The following MDN1 variants were observed in gnomAD, a reference collection of about 807,000 sequenced individuals.
MDN1 encodes the protein midasin AAA ATPase 1.
A neutral mutation model predicts 669.2 loss-of-function variants in MDN1; 266 were observed. The ratio of observed to expected loss-of-function variants is 0.40; its 90% confidence interval spans 0.36 to 0.44. MDN1 has a LOEUF of 0.44. Ranked by LOEUF, MDN1 falls within the 20% of genes least tolerant of loss-of-function variation. The pLI is 1.00. For synonymous variants in MDN1, 2,385 were observed against 2,457.1 expected (o/e 0.97, Z 0.87); for missense variants, 5,940 against 6,754.0 (o/e 0.88, Z 4.22).
intron 74 of MDN1, among the ~76,000 whole-genome samples, chr6:89,679,380 A>C (rs2128305743): frequency 6.6e-6 from 1 of 152,284 alleles, no homozygotes; most frequent in Admixed American, 6.5e-5. Context: ...ACACGTGGGT[A>C]CCAATAACAC....
rs58697438 is a variant in MDN1 at position 89,782,604 on chromosome 6, A to AAATAATAAT, written c.1450-1021_1450-1013dup. ...TGACAGAGTAAGACCTTTCCTCAAA[A>AAATAATAAT]AATAATAATAATAATAATAATAATA... On this transcript the variant is annotated intron_variant, in intron 9 of 101. Transcript: ENST00000369393. 5.5e-4 allele frequency among the ~76,000 whole-genome samples: 80 copies of AAATAATAAT among 144,194 alleles called. No homozygotes were observed. The South Asian group carries it at 0.013, about 24-fold the overall frequency. 94.6% of individuals were successfully genotyped at this position (144,194 alleles called of 152,430 possible).
chr6:89,784,277 T>C (rs992354770), intron 9 of MDN1, among the ~76,000 whole-genome samples: 2 of 151,836 alleles, frequency 1.3e-5, no homozygotes, highest in East Asian at 3.9e-4. Flanking sequence ...GATCACGCCA[T>C]TGCACTCCAG....
rs1315535359 is a variant in MDN1, at chr6:89,645,112, A to C, written c.16505T>G (p.Phe5502Cys). 6 of 1,610,532 alleles carry C rather than the reference A, an allele frequency of 3.7e-6. No homozygotes were observed. Among genetic ancestry groups the C allele is most frequent in the African/African-American group, 1.3e-5 (1 of 74,914 alleles). The change falls in exon 101 of 102, where the codon TTC (phenylalanine) becomes TGC (cysteine). Residue 5502 changes from phenylalanine to cysteine, a missense_variant. Physicochemically the swap from Phe to Cys is radical, Grantham distance 205. This residue lies in a region of MDN1 where 2,280 missense variants were observed against 2,576.3 expected (regional missense o/e 0.88). Coordinates refer to ENST00000369393, the MANE Select transcript of MDN1 (RefSeq NM_014611.3). ...CAGGACTCTTTCTTTGCCCTCAAGG[A>C]AAAGGCCTCGCCCATCAGAGACTAC... ...LLVVSDGRGLFLEGKERVLAA... is the reference protein window; with the variant it reads ...LLVVSDGRGLCLEGKERVLAA...
intron 83 of MDN1, among the ~76,000 whole-genome samples, chr6:89,670,162 ATATATATAT>A (rs1192925253): frequency 3.1e-4 from 7 of 22,290 alleles, no homozygotes; most frequent in East Asian, 5.7e-3. Context: ...ATATATATAT[ATATATATAT>A]TTTTTTTTTT....
chr6:89,745,585 T>G lies in MDN1; in HGVS notation c.3946A>C (p.Ile1316Leu), dbSNP rs1227983598. The change falls in exon 28 of 102, where the codon ATT becomes CTT. Residue 1316 changes from isoleucine to leucine, a missense_variant. Ile to Leu is a conservative substitution (Grantham distance 5). This residue lies in a region of MDN1 where 2,292 missense variants were observed against 2,638.3 expected (regional missense o/e 0.87). Coordinates refer to ENST00000369393, the MANE Select transcript of MDN1 (RefSeq NM_014611.3). The part of the protein sequence containing the change: ...LAGRVRKQEE[I>L]DVIQEVLEKH... ...TCAAGGACTTCTTGAATCACATCAATTTCCTCCTGCTTCCTGACTCGACCT... is the reference window on the plus strand; with the variant it reads ...TCAAGGACTTCTTGAATCACATCAAGTTCCTCCTGCTTCCTGACTCGACCT... The G allele has an allele frequency of 1.2e-6, 2 of 1,614,008 alleles. No individual in the cohort carries two copies. Among genetic ancestry groups the G allele is most frequent in the Non-Finnish European group, 1.7e-6 (2 of 1,180,026 alleles).
At position 89,707,595 on chromosome 6, in the gene MDN1, T is replaced by C. The variant is rs568614411; in HGVS notation, c.7899-119A>G. 48 of 684,600 alleles carry C rather than the reference T, an allele frequency of 7.0e-5. No individual in the cohort carries two copies. In the Middle Eastern group the frequency reaches 1.5e-3, roughly 22 times the overall value. The allele number at this position is 684,600 out of a possible 1,614,324, so 42.4% of individuals were successfully genotyped here. A position where few individuals can be genotyped will look rare whatever the true frequency, so the allele number is the denominator to read the frequency against. ...GTCCTTCATCCTGCCATTCCTCTCC[T>C]GCCTCTGCAAATCTTGGACTAAAGA... On this transcript the variant is annotated intron_variant, in intron 51 of 101. Coordinates refer to ENST00000369393, the MANE Select transcript of MDN1 (RefSeq NM_014611.3).
chr6:89,739,979 A>T (rs1816196705), intron 32 of MDN1, among the ~76,000 whole-genome samples: 1 of 152,228 alleles, frequency 6.6e-6, no homozygotes, highest in South Asian at 2.1e-4. Context: ...TAACATATGT[A>T]AAGGGCTAGG....
chr6:89,761,835 AC>A (rs1817565945), intron 16 of MDN1, 87 bp from the exon 17 acceptor site: 51 of 983,888 alleles, frequency 5.2e-5, no homozygotes, highest in Non-Finnish European at 9.2e-6. Context: ...AACAAAACAC[AC>A]AAAAATTAAG....
chr6:89,660,130 G>A lies in MDN1; in HGVS notation c.14714-1213C>T, dbSNP rs1347182834. ...TTGAACTCCCAACCTCAGGTGATCC[G>A]CCCGCCTCAGCCTCCCAAAGTGCTG... On this transcript the variant is annotated intron_variant, in intron 88 of 101. Transcript: ENST00000369393. 2.0e-5 allele frequency among the ~76,000 whole-genome samples: 3 copies of A among 152,032 alleles called. 1 individual carries two copies. In the South Asian group the frequency reaches 6.2e-4, roughly 32 times the overall value.
rs554265665 is a variant in MDN1 at position 89,786,651 on chromosome 6, G to A, written c.1334+1203C>T. ...AAAACAAAAGTAACAGGATTGGGCC[G>A]GGCACGGTGGCTCACGCCTGTAATC... On this transcript the variant is annotated intron_variant, in intron 8 of 101. Coordinates refer to ENST00000369393, the MANE Select transcript of MDN1 (RefSeq NM_014611.3). Among the ~76,000 whole-genome samples the A allele has an allele frequency of 1.5e-3, 231 of 151,796 alleles. 2 individuals are homozygous for A. Among genetic ancestry groups the A allele is most frequent in the Non-Finnish European group, 1.7e-3 (115 of 67,946 alleles).
At chr6:89,781,307 C>A (rs768722907) in intron 10 of MDN1, 92 bp downstream of exon 10, 6 of 1,289,668 alleles carry the variant, frequency 4.7e-6, no homozygotes, top group South Asian at 2.4e-5. Context: ...GCCAAAACTG[C>A]ACCACTGCAC....
Position 89,659,159 on chromosome 6 carries a change from T to G in MDN1, c.14714-242A>C, listed in dbSNP as rs538707055. Among the ~76,000 whole-genome samples, 20 of 152,336 alleles carry G rather than the reference T, an allele frequency of 1.3e-4. No homozygotes were observed. In the South Asian group the frequency reaches 4.1e-3, roughly 32 times the overall value. ...TGGGAGGCTGAGACAGAAGGATCAC[T>G]TGAGTTCAAGACCAGCCTGGGCATG... On this transcript the variant is annotated intron_variant, in intron 88 of 101. Coordinates refer to ENST00000369393, the MANE Select transcript of MDN1 (RefSeq NM_014611.3).
Position 89,781,544 on chromosome 6 carries a change from G to C in MDN1, c.1498C>G (p.Leu500Val). 6.2e-7 allele frequency: 1 copy of C among 1,613,458 alleles called. No homozygotes were observed. Among genetic ancestry groups the C allele is most frequent in the Non-Finnish European group, 8.5e-7 (1 of 1,179,544 alleles). ...PSLLAVVDHL[L>V]DIYIQLTGEK... ...CCAGTAAGTTGGATATAAATGTCAAGCAGGTGATCAACCACTGCCAATAGG... is the reference window on the plus strand; with the variant it reads ...CCAGTAAGTTGGATATAAATGTCAACCAGGTGATCAACCACTGCCAATAGG... The change falls in exon 10 of 102, where the codon CTT becomes GTT. Residue 500 changes from leucine to valine, a missense_variant. Leu to Val is a conservative substitution (Grantham distance 32). Transcript: ENST00000369393.
chr6:89,714,429 T>C (rs1381737991), intron 46 of MDN1, 114 bp downstream of exon 46: 1 of 993,992 alleles, frequency 1.0e-6, no homozygotes, highest in Non-Finnish European at 1.5e-6. Flanking sequence ...CAAGCTTTCC[T>C]GATAATTTCT....
chr6:89,690,151 T>C lies in MDN1; in HGVS notation c.10750-8A>G. 2 of 1,613,212 alleles carry C rather than the reference T, an allele frequency of 1.2e-6. No homozygotes were observed. The highest frequency in any genetic ancestry group is 1.7e-6 in the Non-Finnish European group (2 of 1,179,426). ...CAAAATATCTGCAAAGTCCTATAAA[T>C]AGCATTAGAGCAATTGAACTTTTAA... is the stretch of plus-strand genomic sequence containing the variant. On this transcript the variant is annotated splice_polypyrimidine_tract_variant and splice_region_variant and intron_variant, in intron 64 of 101. Coordinates refer to ENST00000369393, the MANE Select transcript of MDN1 (RefSeq NM_014611.3).
intron 88 of MDN1, among the ~76,000 whole-genome samples, chr6:89,661,116 C>G (rs1364574390): frequency 6.6e-6 from 1 of 152,182 alleles, no homozygotes; most frequent in African/African-American, 2.4e-5. Context: ...TTACACCATC[C>G]CATGAGATGG....
intron 1 of MDN1, among the ~76,000 whole-genome samples, chr6:89,816,673 C>CTT (rs538796145): frequency 3.6e-4 from 50 of 138,050 alleles, no homozygotes; most frequent in African/African-American, 4.9e-4. Context: ...ACACCCCTAT[C>CTT]TTTTTTTTTT....
At chr6:89,680,334 A>G (rs1562079004) in intron 74 of MDN1, among the ~76,000 whole-genome samples, 1 of 152,216 alleles carries the variant, frequency 6.6e-6, no homozygotes, top group African/African-American at 2.4e-5. Flanking sequence ...AGGAACTAGT[A>G]TAGACAAGGC....
chr6:89,779,752 T>C (rs779097454), intron 11 of MDN1, among the ~76,000 whole-genome samples: 3 of 152,194 alleles, frequency 2.0e-5, no homozygotes, highest in Non-Finnish European at 2.9e-5. Flanking sequence ...GCCACGTTAG[T>C]TGAGTTTTAA....
Sources: allele counts gnomAD v4.1 joint callset (sites outside exome capture counted in the v4.1 genomes callset), GRCh38; gene constraint gnomAD v4.1.1; regional missense constraint gnomAD v4.1.1; transcripts MANE v1.5; gene names NCBI Gene and HGNC (gene_info 2026-07-23, HGNC 2026-07-21).